MRPL18: variants seen among roughly 807,000 people sequenced by gnomAD.
MRPL18 encodes mitochondrial ribosomal protein L18.
MRPL18 carries 16 observed loss-of-function variants against 20.9 expected under a neutral mutation model. The ratio of observed to expected loss-of-function variants is 0.76; its 90% confidence interval spans 0.52 to 1.16. The LOEUF is 1.16. Among genes scored for constraint, MRPL18 ranks in the 50% most tolerant of loss-of-function variants. The pLI is 0.00. For missense variants in MRPL18, 233 were observed against 230.6 expected (o/e 1.01, Z -0.07); for synonymous variants, 91 against 87.1 (o/e 1.04, Z -0.25).
chr6:159,794,778 G>T (rs926450209), intron 2 of MRPL18, among the ~76,000 whole-genome samples: 1 of 152,124 alleles, frequency 6.6e-6, no homozygotes. Context: ...GGTGTTTCTT[G>T]TTAGGTGGAA....
At chr6:159,793,705 C>T (rs1052823320) in intron 2 of MRPL18, among the ~76,000 whole-genome samples, 6 of 152,104 alleles carry the variant, frequency 3.9e-5, no homozygotes, top group Non-Finnish European at 8.8e-5. Context: ...GTCAGGAGAT[C>T]AAGACCATCC....
intron 2 of MRPL18, among the ~76,000 whole-genome samples, chr6:159,795,657 CACAG>C (rs1014697985): frequency 3.2e-4 from 48 of 152,322 alleles, no homozygotes; most frequent in African/African-American, 1.1e-3. Flanking sequence ...CTTCTTTCTA[CACAG>C]ACAGTAACAA....
At chr6:159,790,884 G>A in intron 1 of MRPL18, 56 bp from the exon 2 acceptor site, 11 of 1,595,348 alleles carry the variant, frequency 6.9e-6, no homozygotes, top group South Asian at 1.1e-5. Flanking sequence ...GAGCGGGTTC[G>A]TGCGCTGTCC....
chr6:159,794,158 CA>C (rs1027256158), intron 2 of MRPL18, among the ~76,000 whole-genome samples: 1 of 152,102 alleles, frequency 6.6e-6, no homozygotes, highest in Non-Finnish European at 1.5e-5. Context: ...TGCATATAAG[CA>C]AAAACTGTTA....
chr6:159,796,093 T>C (rs1781022099), intron 2 of MRPL18, among the ~76,000 whole-genome samples: 1 of 151,974 alleles, frequency 6.6e-6, no homozygotes, highest in Non-Finnish European at 1.5e-5. Context: ...CTAAAATATT[T>C]TTTGTTTCAT....
At chr6:159,790,827 G>T in intron 1 of MRPL18, 113 bp from the exon 2 acceptor site, 3 of 1,428,502 alleles carry the variant, frequency 2.1e-6, no homozygotes, top group Non-Finnish European at 2.8e-6. Context: ...CGTATTTTTC[G>T]TCCCCTCGGG....
In MRPL18 at chr6:159,791,840, G is replaced by C. The variant is rs1403993194; in HGVS notation, c.239+714G>C. ...GAATCACTTGAACCCAGGAGGCGGA[G>C]GTTGCAGTGAGCTGAGCGCCTGGGC... On this transcript the variant is annotated intron_variant, in intron 2 of 3. Coordinates refer to ENST00000367034, the MANE Select transcript of MRPL18 (RefSeq NM_014161.5). Among the ~76,000 whole-genome samples the C allele has an allele frequency of 2.0e-5, 3 of 152,154 alleles. No individual in the cohort carries two copies. The East Asian group carries it at 5.8e-4, about 29-fold the overall frequency.
Position 159,791,105 on chromosome 6 carries a change from C to A in MRPL18, c.218C>A (p.Pro73His), listed in dbSNP as rs747040725. The A allele has an allele frequency of 6.2e-7, 1 of 1,614,156 alleles. No individual in the cohort carries two copies. Among genetic ancestry groups the A allele is most frequent in the South Asian group, 1.1e-5 (1 of 91,068 alleles). Residue 73 changes from proline to histidine, a missense_variant, in exon 2 of 4, where the codon CCC (proline) becomes CAC (histidine). By Grantham distance (77) the Pro-to-His change is moderately conservative. Transcript: ENST00000367034. ...GAGCGGGGCTGGCGGACGGTGTTTC[C>A]CTCCCGTGAGTTCTGGCACAGGTAA... ...RKERGWRTVF[P>H]SREFWHRLRV...
intron 2 of MRPL18, among the ~76,000 whole-genome samples, chr6:159,795,934 C>A (rs1319718626): frequency 6.6e-6 from 1 of 152,164 alleles, no homozygotes. Context: ...CAGGTGCACA[C>A]CATCACGCCT....
chr6:159,797,277 C>A lies in MRPL18; in HGVS notation c.240-10C>A. The A allele has an allele frequency of 6.2e-7, 1 of 1,608,196 alleles. No individual in the cohort carries two copies. The highest frequency in any genetic ancestry group is 8.5e-7 in the Non-Finnish European group (1 of 1,174,624). ...CTTCTGTGATTTTATTATCTTCTCACCCCATTTAGGTTGCGAGTTATAAGG... is the reference window on the plus strand; with the variant it reads ...CTTCTGTGATTTTATTATCTTCTCAACCCATTTAGGTTGCGAGTTATAAGG... On this transcript the variant is annotated splice_polypyrimidine_tract_variant and intron_variant, in intron 2 of 3. Coordinates refer to ENST00000367034, the MANE Select transcript of MRPL18 (RefSeq NM_014161.5).
At position 159,790,599 on chromosome 6, in the gene MRPL18, G is replaced by C. The variant is rs776863594; in HGVS notation, c.12G>C (p.Arg4=). 8 of 1,541,000 alleles carry C rather than the reference G, an allele frequency of 5.2e-6. No homozygotes were observed. The highest frequency in any genetic ancestry group is 7.0e-6 in the Non-Finnish European group (8 of 1,142,250). The change falls in exon 1 of 4, where the codon CGG becomes CGC. Residue 4 remains arginine, a synonymous_variant. Transcript: ENST00000367034. ...AGATCGTCTCAGCGATGGCGCTTCG[G>C]TCGCGGTTTTGGGGGTTGTTCTCGG... MAL[R]SRFWGLFSVC... is the part of the protein sequence containing the mutation.
chr6:159,790,900 C>T (rs1267962779), intron 1 of MRPL18, 40 bp from the exon 2 acceptor site: 2 of 1,610,168 alleles, frequency 1.2e-6, no homozygotes, highest in Non-Finnish European at 1.7e-6. Flanking sequence ...TGTCCATATC[C>T]GTCATTTTTA....
chr6:159,790,604 G>A lies in MRPL18; in HGVS notation c.17G>A (p.Arg6Gln), dbSNP rs1128670. MALRS[R>Q]FWGLFSVCRN... ...GTCTCAGCGATGGCGCTTCGGTCGC[G>A]GTTTTGGGGGTTGTTCTCGGTTTGC... Residue 6 changes from arginine (R) to glutamine (Q), a missense_variant, in exon 1 of 4, where the codon CGG becomes CAG. Coordinates refer to ENST00000367034, the MANE Select transcript of MRPL18 (RefSeq NM_014161.5). 1,211,845 of 1,613,004 alleles carry A rather than the reference G, an allele frequency of 0.75. 459,261 individuals carry two copies. Among genetic ancestry groups the A allele is most frequent in the Admixed American group, 0.81 (48,351 of 59,994 alleles).
intron 2 of MRPL18, among the ~76,000 whole-genome samples, chr6:159,792,467 G>A (rs1478100504): frequency 6.6e-6 from 1 of 152,166 alleles, no homozygotes; most frequent in Non-Finnish European, 1.5e-5. Flanking sequence ...GTCATCAAAA[G>A]TCTTAAGTTT....
chr6:159,797,489 C>A lies in MRPL18; in HGVS notation c.442C>A (p.Pro148Thr), dbSNP rs142227430. The A allele has an allele frequency of 1.2e-6, 2 of 1,614,194 alleles. No individual in the cohort carries two copies. The highest frequency in any genetic ancestry group is 1.1e-5 in the South Asian group (1 of 91,084). ...GGGAATCAACTTCATGGTCTACCAA[C>A]CAACCCCGTGGGAGGCAGCCTCAGA... ...EAGINFMVYQ[P>T]TPWEAASDSM... The change falls in exon 3 of 4, where the codon CCA (proline) becomes ACA (threonine). Residue 148 changes from proline (P) to threonine (T), a missense_variant. Pro to Thr is a conservative substitution (Grantham distance 38). Coordinates refer to ENST00000367034, the MANE Select transcript of MRPL18 (RefSeq NM_014161.5).
intron 2 of MRPL18, among the ~76,000 whole-genome samples, chr6:159,796,131 T>TTC (rs1392017571): frequency 2.3e-5 from 1 of 42,554 alleles, no homozygotes; most frequent in Non-Finnish European, 7.2e-5. Flanking sequence ...CATTTTACTT[T>TTC]TTTTTTTTTT....
At chr6:159,792,907 G>A (rs1004939938) in intron 2 of MRPL18, among the ~76,000 whole-genome samples, 4 of 152,160 alleles carry the variant, frequency 2.6e-5, no homozygotes, top group Admixed American at 6.5e-5. Context: ...AGGCTCAAAC[G>A]ATTCTCCCAT....
chr6:159,797,358 C>T lies in MRPL18; in HGVS notation c.311C>T (p.Ser104Leu), dbSNP rs201216825. 99 of 1,614,158 alleles carry T rather than the reference C, an allele frequency of 6.1e-5. No homozygotes were observed. The highest frequency in any genetic ancestry group is 3.5e-4 in the South Asian group (32 of 91,082). Reference sequence around the variant, plus strand: ...CATCAGAATGGCAAGGTTGTGGTTTCGGCCTCCACTCGTGAGTGGGCTATT... The same window carrying T: ...CATCAGAATGGCAAGGTTGTGGTTTTGGCCTCCACTCGTGAGTGGGCTATT... ...VEHQNGKVVV[S>L]ASTREWAIKK... is the part of the protein sequence containing the mutation. Residue 104 changes from serine to leucine, a missense_variant, in exon 3 of 4, where the codon TCG (serine) becomes TTG (leucine). Physicochemically the swap from Ser to Leu is moderately radical, Grantham distance 145. Transcript: ENST00000367034.
upstream of MRPL18, chr6:159,790,419 C>T (rs552141603): frequency 2.6e-6 from 2 of 776,284 alleles, no homozygotes; most frequent in African/African-American, 3.5e-5. Flanking sequence ...TTCTCGGCCA[C>T]TCAGTGGCAG....
Sources: allele counts gnomAD v4.1 joint callset (sites outside exome capture counted in the v4.1 genomes callset), GRCh38; gene constraint gnomAD v4.1.1; transcripts MANE v1.5; gene names NCBI Gene and HGNC (gene_info 2026-07-23, HGNC 2026-07-21).